The following ARL15 variants were observed in gnomAD, a reference collection of about 807,000 sequenced individuals.
The protein encoded by ARL15 is ARF like GTPase 15.
ARL15 carries 19 observed loss-of-function variants against 25.2 expected under a neutral mutation model. The ratio of observed to expected loss-of-function variants is 0.75; its 90% CI spans 0.53 to 1.10. The LOEUF (loss-of-function observed/expected upper bound fraction) is 1.10, where lower values mean the gene tolerates loss of function less well. ARL15 is among the 50% of genes least tolerant of loss of function. The probability of loss-of-function intolerance (pLI) is 0.00; values close to 1 mark genes in which losing one functional copy is unlikely to be tolerated. For synonymous variants in ARL15, 94 were observed against 86.8 expected (o/e 1.08, Z -0.46); for missense variants, 220 against 246.0 (o/e 0.89, Z 0.71).
chr5:54,126,180 C>T (rs1165701483), intron 3 of ARL15, among the ~76,000 whole-genome samples: 33 of 152,154 alleles, frequency 2.2e-4, no homozygotes. Flanking sequence ...TCTTTACTCA[C>T]ATTGTTTCAT....
intron 1 of ARL15, among the ~76,000 whole-genome samples, chr5:54,211,178 AAAG>A (rs1756031743): frequency 6.6e-6 from 1 of 152,186 alleles, no homozygotes; most frequent in Non-Finnish European, 1.5e-5. Context: ...TGGTATGCAC[AAAG>A]TATTCCAAAA....
intron 4 of ARL15, among the ~76,000 whole-genome samples, chr5:53,999,943 A>C (rs1748800484): frequency 6.6e-6 from 1 of 152,140 alleles, no homozygotes; most frequent in South Asian, 2.1e-4. Flanking sequence ...AATAAGGGAA[A>C]AAAAGGAAGC....
intron 1 of ARL15, among the ~76,000 whole-genome samples, chr5:54,226,825 T>C (rs1043716586): frequency 1.3e-5 from 2 of 152,132 alleles, no homozygotes; most frequent in African/African-American, 2.4e-5. Flanking sequence ...TCTTGAATAA[T>C]TGTAGCTCCC....
chr5:54,002,141 T>C (rs938165237), intron 4 of ARL15, among the ~76,000 whole-genome samples: 3 of 145,964 alleles, frequency 2.1e-5, no homozygotes, highest in Non-Finnish European at 4.5e-5. Flanking sequence ...TTTCCCATTT[T>C]GGCAAGCATA....
At chr5:53,908,482 T>G (rs986876420) in intron 4 of ARL15, among the ~76,000 whole-genome samples, 8 of 152,214 alleles carry the variant, frequency 5.3e-5, no homozygotes. Context: ...TAGGAGGATA[T>G]GCATAGGTAA....
At position 54,310,542 on chromosome 5, in the gene ARL15, G is replaced by A; in HGVS notation, c.-63C>T. 1 of 1,535,010 alleles carries A rather than the reference G, an allele frequency of 6.5e-7. No individual in the cohort carries two copies. On this transcript the variant is annotated 5_prime_UTR_variant, in exon 1 of 5. Transcript: ENST00000504924. The stretch of plus-strand genomic sequence containing the variant: ...GAAAAAAAAAGCAGCGTCTCTGGCT[G>A]CGAGCGAGCAGCTCCTGAAAAAGCC...
intron 4 of ARL15, among the ~76,000 whole-genome samples, chr5:54,004,977 CT>C (rs1748976025): frequency 1.3e-5 from 2 of 152,112 alleles, no homozygotes; most frequent in South Asian, 4.2e-4. Context: ...TTTTTAAATT[CT>C]AATGTGTGTT....
Position 54,171,871 on chromosome 5 carries a change from C to T in ARL15, c.106G>A (p.Val36Ile). The T allele has an allele frequency of 1.2e-6, 2 of 1,613,602 alleles. No individual in the cohort carries two copies. The highest frequency in any genetic ancestry group is 2.2e-5 in the East Asian group (1 of 44,842). ...PPPARPEYDLVCIGLTGSGKT... is the reference protein window; with the variant it reads ...PPPARPEYDLICIGLTGSGKT... ...CCAGAACCTGTGAGGCCTATGCAAA[C>T]CAGGTCATATTCTGGTCGTGCAGGT... The change falls in exon 2 of 5, where the codon GTT becomes ATT. Residue 36 changes from valine (V) to isoleucine (I), a missense_variant. Val to Ile is a conservative substitution (Grantham distance 29). Transcript: ENST00000504924.
At chr5:54,165,195 T>C (rs1308482501) in intron 2 of ARL15, among the ~76,000 whole-genome samples, 1 of 152,082 alleles carries the variant, frequency 6.6e-6, no homozygotes, top group Non-Finnish European at 1.5e-5. Context: ...TTTACATATG[T>C]TGTTAACCCC....
At chr5:54,105,577 C>G (rs1013561514) in intron 4 of ARL15, among the ~76,000 whole-genome samples, 2 of 151,964 alleles carry the variant, frequency 1.3e-5, no homozygotes, top group South Asian at 4.2e-4. Flanking sequence ...TAAAAGGCTA[C>G]ATTTTTTTAT....
chr5:53,979,522 A>C (rs1249816264), intron 4 of ARL15, among the ~76,000 whole-genome samples: 1 of 152,194 alleles, frequency 6.6e-6, no homozygotes, highest in Non-Finnish European at 1.5e-5. Context: ...CCTGGGCAAC[A>C]GAATAAGACC....
At chr5:54,027,957 C>A (rs1257970006) in intron 4 of ARL15, among the ~76,000 whole-genome samples, 1 of 151,816 alleles carries the variant, frequency 6.6e-6, no homozygotes, top group African/African-American at 2.4e-5. Context: ...TGTTTTGTCA[C>A]CCAGGCTGGA....
At chr5:54,200,154 G>T (rs1755674671) in intron 1 of ARL15, among the ~76,000 whole-genome samples, 1 of 130,334 alleles carries the variant, frequency 7.7e-6, no homozygotes, top group African/African-American at 2.8e-5. Context: ...TGGGGTGGGG[G>T]GAGGGGGCAG....
chr5:53,915,961 C>A (rs376570722), intron 4 of ARL15, among the ~76,000 whole-genome samples: 12 of 152,172 alleles, frequency 7.9e-5, no homozygotes, highest in Non-Finnish European at 1.8e-4. Context: ...GGTTGAAGTG[C>A]AGTGGCATGG....
intron 1 of ARL15, among the ~76,000 whole-genome samples, chr5:54,180,965 G>A (rs773514843): frequency 2.0e-5 from 3 of 152,118 alleles, no homozygotes; most frequent in Non-Finnish European, 4.4e-5. Context: ...CGGGGCCCAC[G>A]TGGCTCCCAG....
chr5:54,049,540 G>GAAGCC (rs1315025607), intron 4 of ARL15, among the ~76,000 whole-genome samples: 66 of 152,012 alleles, frequency 4.3e-4, no homozygotes, highest in Non-Finnish European at 8.8e-5. Context: ...TAAGCAACTG[G>GAAGCC]AAGCCAATCC....
intron 1 of ARL15, among the ~76,000 whole-genome samples, chr5:54,277,746 C>T (rs1047224264): frequency 3.3e-5 from 5 of 150,904 alleles, no homozygotes; most frequent in South Asian, 4.2e-4. Context: ...AGTGAGACTT[C>T]GTCTCAAAAA....
chr5:54,122,447 T>C (rs929359814), intron 3 of ARL15, among the ~76,000 whole-genome samples: 3 of 152,294 alleles, frequency 2.0e-5, no homozygotes, highest in African/African-American at 7.2e-5. Flanking sequence ...GCAATGTGCG[T>C]GTATACGCAT....
At chr5:54,025,259 T>C (rs1027869098) in intron 4 of ARL15, among the ~76,000 whole-genome samples, 2 of 142,042 alleles carry the variant, frequency 1.4e-5, no homozygotes, top group African/African-American at 5.4e-5. Flanking sequence ...TACACACATA[T>C]GATATGATTG....
Sources: gnomAD v4.1 joint callset for allele counts (sites outside exome capture counted in the v4.1 genomes callset) on GRCh38, gnomAD v4.1.1 for gene constraint, MANE v1.5 for transcripts, NCBI Gene and HGNC (gene_info 2026-07-23, HGNC 2026-07-21) for gene names.